PTPRN2: variants seen among roughly 807,000 people sequenced by gnomAD.
PTPRN2 encodes protein tyrosine phosphatase receptor type N2, also known as receptor-type tyrosine-protein phosphatase N2.
Under a neutral mutation model 118.8 loss-of-function variants are expected in PTPRN2, and 74 were observed. The ratio of observed to expected loss-of-function variants is 0.62; its 90% CI spans 0.52 to 0.76. PTPRN2 has a LOEUF of 0.76. PTPRN2 is among the 30% of genes least tolerant of loss of function. The pLI is 0.00. For synonymous variants in PTPRN2, 641 were observed against 608.0 expected (o/e 1.05, Z -0.80); for missense variants, 1,481 against 1,394.4 (o/e 1.06, Z -0.99).
At chr7:158,300,554 A>ACAGCGCCTCGCCCGCCACCCAGTCCTG (rs1554445863) in intron 3 of PTPRN2, among the ~76,000 whole-genome samples, 1,796 of 146,744 alleles carry the variant, frequency 0.012, 19 homozygotes, top group Middle Eastern at 0.028. Flanking sequence ...CTGCACGCCC[A>ACAGCGCCTCGCCCGCCACCCAGTCCTG]CAGCGCCTCG....
chr7:158,277,115 A>G (rs1211349995), intron 3 of PTPRN2, among the ~76,000 whole-genome samples: 3 of 148,670 alleles, frequency 2.0e-5, no homozygotes, highest in Non-Finnish European at 3.0e-5. Flanking sequence ...ACGTGCACAC[A>G]CACACACACG....
intron 12 of PTPRN2, among the ~76,000 whole-genome samples, chr7:157,777,209 T>G (rs2151043387): frequency 6.6e-6 from 1 of 152,344 alleles, no homozygotes; most frequent in East Asian, 1.9e-4. Context: ...TTTTTCACAT[T>G]CAAACAGATC....
At chr7:158,274,115 C>T (rs1444057369) in intron 3 of PTPRN2, among the ~76,000 whole-genome samples, 2 of 98,392 alleles carry the variant, frequency 2.0e-5, no homozygotes, top group Non-Finnish European at 3.9e-5. Context: ...TGGGAGGAGC[C>T]GCAGACACGG....
At chr7:158,018,966 C>CAAAAAAAAAAAAA (rs753498681) in intron 11 of PTPRN2, among the ~76,000 whole-genome samples, 7 of 65,846 alleles carry the variant, frequency 1.1e-4, no homozygotes, top group Non-Finnish European at 1.2e-4. Flanking sequence ...GTTTCAAAAA[C>CAAAAAAAAAAAAA]AAAAAAAAAA....
At chr7:158,268,442 C>CG (rs1798041936) in intron 3 of PTPRN2, among the ~76,000 whole-genome samples, 1 of 142,422 alleles carries the variant, frequency 7.0e-6, no homozygotes, top group Non-Finnish European at 1.5e-5. Context: ...GCACACAGGG[C>CG]AGGTGTGAAA....
chr7:158,287,569 C>A (rs1799847336), intron 3 of PTPRN2, among the ~76,000 whole-genome samples: 1 of 151,876 alleles, frequency 6.6e-6, no homozygotes, highest in Non-Finnish European at 1.5e-5. Flanking sequence ...TTAATTTCTT[C>A]TTTGACATAT....
At chr7:158,146,520 G>C (rs143960428) in intron 6 of PTPRN2, among the ~76,000 whole-genome samples, 32 of 152,098 alleles carry the variant, frequency 2.1e-4, no homozygotes, top group African/African-American at 6.0e-4. Flanking sequence ...AGGAGATCAA[G>C]ACCATCCTGA....
chr7:157,742,655 G>T (rs572684926), intron 12 of PTPRN2, among the ~76,000 whole-genome samples: 1 of 152,226 alleles, frequency 6.6e-6, no homozygotes, highest in Admixed American at 6.5e-5. Flanking sequence ...GGGACTGTTC[G>T]CCTGAGCAGC....
chr7:157,730,737 C>A (rs550236346), intron 12 of PTPRN2, among the ~76,000 whole-genome samples: 1 of 152,316 alleles, frequency 6.6e-6, no homozygotes, highest in African/African-American at 2.4e-5. Flanking sequence ...GGGGACAGAG[C>A]CGGCCCTCCC....
At chr7:158,316,762 AGCCCGTGCGGTC>A in intron 3 of PTPRN2, 45 bp downstream of exon 3, 20 of 1,328,080 alleles carry the variant, frequency 1.5e-5, no homozygotes, top group Non-Finnish European at 1.0e-6. Flanking sequence ...GGAGAAGCCA[AGCCCGTGCGGTC>A]GCTCAGTGCG....
In PTPRN2 at chr7:157,565,996, A is replaced by G. The variant is rs549854768; in HGVS notation, c.2902+2906T>C. Among the ~76,000 whole-genome samples, 127 of 152,346 alleles carry G rather than the reference A, an allele frequency of 8.3e-4. 1 individual carries two copies. Among genetic ancestry groups the G allele is most frequent in the African/African-American group, 2.6e-3 (109 of 41,586 alleles). On this transcript the variant is annotated intron_variant, in intron 21 of 22. Transcript: ENST00000389418. ...TTCATTCCAAACTGCATCATCGTCTACTTGCTGCTAAACTGGACAGTAGAG... is the reference window on the plus strand; with the variant it reads ...TTCATTCCAAACTGCATCATCGTCTGCTTGCTGCTAAACTGGACAGTAGAG...
Position 158,094,609 on chromosome 7 carries a change from C to T in PTPRN2, c.1644-13232G>A, listed in dbSNP as rs112453767. On this transcript the variant is annotated intron_variant, in intron 10 of 22. Coordinates refer to ENST00000389418, the MANE Select transcript of PTPRN2 (RefSeq NM_002847.5). The stretch of plus-strand genomic sequence containing the variant: ...GGCATGAGCCACTGCTCCCGGCCCC[C>T]ATCTGTGCTTTCTATTGCAGCTTCG... Among the ~76,000 whole-genome samples the T allele has an allele frequency of 3.7e-3, 558 of 152,288 alleles. 6 individuals are homozygous for T. The highest frequency in any genetic ancestry group is 0.013 in the African/African-American group (539 of 41,544).
chr7:157,936,387 T>C (rs1353623000), intron 11 of PTPRN2, among the ~76,000 whole-genome samples: 2 of 152,156 alleles, frequency 1.3e-5, no homozygotes, highest in South Asian at 2.1e-4. Flanking sequence ...ATTCCTCCCC[T>C]CTGCCTGTGT....
chr7:158,482,266 CTT>C, intron 2 of PTPRN2, among the ~76,000 whole-genome samples: 1 of 152,318 alleles, frequency 6.6e-6, no homozygotes, highest in South Asian at 2.1e-4. Context: ...AGGATTGACT[CTT>C]AATTTTGAAA....
chr7:157,833,030 C>T (rs1479306602), intron 12 of PTPRN2, among the ~76,000 whole-genome samples: 1 of 152,076 alleles, frequency 6.6e-6, no homozygotes, highest in Non-Finnish European at 1.5e-5. Context: ...GCCCATCCAT[C>T]CTGTATGATG....
chr7:157,550,944 C>T lies in PTPRN2; in HGVS notation c.2903-1925G>A, dbSNP rs927337574. On this transcript the variant is annotated intron_variant, in intron 21 of 22. Coordinates refer to ENST00000389418, the MANE Select transcript of PTPRN2 (RefSeq NM_002847.5). The surrounding 1 kb of genome is among the most constrained non-coding windows in gnomAD (Gnocchi z 5.2). Reference sequence around the variant, plus strand: ...TAAATTTAAAACAGCCTGACACAAACGGGTGAGTTTGTGAAATGGTAGAGA... The same window carrying T: ...TAAATTTAAAACAGCCTGACACAAATGGGTGAGTTTGTGAAATGGTAGAGA... 6.6e-6 allele frequency among the ~76,000 whole-genome samples: 1 copy of T among 152,130 alleles called. No homozygotes were observed.
intron 12 of PTPRN2, among the ~76,000 whole-genome samples, chr7:157,782,458 C>T (rs1200547743): frequency 6.6e-6 from 1 of 151,634 alleles, no homozygotes; most frequent in Non-Finnish European, 1.5e-5. Flanking sequence ...CCGCCCTCCA[C>T]AGAGGGGGTC....
intron 2 of PTPRN2, among the ~76,000 whole-genome samples, chr7:158,390,590 G>A (rs1183977794): frequency 6.6e-6 from 1 of 152,190 alleles, no homozygotes; most frequent in African/African-American, 2.4e-5. Context: ...TCTGGACACC[G>A]AGTGGCCGCA....
At chr7:158,147,788 C>T (rs1820320889) in intron 6 of PTPRN2, among the ~76,000 whole-genome samples, 1 of 123,922 alleles carries the variant, frequency 8.1e-6, no homozygotes, top group African/African-American at 3.5e-5. Context: ...TATTCCCCCT[C>T]ACTGACACCC....
Sources: allele counts gnomAD v4.1 joint callset (sites outside exome capture counted in the v4.1 genomes callset), GRCh38; gene constraint gnomAD v4.1.1; non-coding constraint Gnocchi (gnomAD v3.1); transcripts MANE v1.5; gene names NCBI Gene and HGNC (gene_info 2026-07-23, HGNC 2026-07-21).